Variants in TRAPPC9 observed in about 807,000 individuals in gnomAD.
TRAPPC9 encodes IKK2 binding protein.
A neutral mutation model predicts 124.0 loss-of-function variants in TRAPPC9; 83 were observed. That is an observed-to-expected ratio of 0.67 (90% CI 0.56 to 0.80). TRAPPC9 has a LOEUF of 0.80. Ranked by LOEUF, TRAPPC9 falls within the 30% of genes least tolerant of loss-of-function variation. The probability of loss-of-function intolerance (pLI) is 0.00; values close to 1 mark genes in which losing one functional copy is unlikely to be tolerated. For missense variants in TRAPPC9, 1,302 were observed against 1,508.3 expected, an observed-to-expected ratio of 0.86 and a Z score of 2.27; for synonymous variants, 638 against 617.5, an observed-to-expected ratio of 1.03 and a Z score of -0.49.
chr8:140,045,351 T>C (rs1360215326), intron 17 of TRAPPC9, among the ~76,000 whole-genome samples: 1 of 152,010 alleles, frequency 6.6e-6, no homozygotes, highest in African/African-American at 2.4e-5. Context: ...TCCGGCCAGG[T>C]GCGGTGGCTC....
At chr8:140,109,302 G>A (rs1160051422) in intron 17 of TRAPPC9, among the ~76,000 whole-genome samples, 5 of 152,152 alleles carry the variant, frequency 3.3e-5, no homozygotes, top group Non-Finnish European at 7.3e-5. Flanking sequence ...AGGGCAGTAT[G>A]AACAGGGCCT....
intron 9 of TRAPPC9, among the ~76,000 whole-genome samples, chr8:140,322,844 C>CA (rs1179863813): frequency 1.3e-5 from 2 of 152,106 alleles, no homozygotes; most frequent in African/African-American, 2.4e-5. Flanking sequence ...TCTCAAAAAA[C>CA]AAAAAAGCCA....
At chr8:140,456,923 A>T in intron 1 of TRAPPC9, 14 of 660,056 alleles carry the variant, frequency 2.1e-5, no homozygotes, top group Non-Finnish European at 2.3e-5. Context: ...GAAGGTCTGC[A>T]GGGGTGGAGG....
chr8:139,951,178 C>T (rs1834622722), intron 19 of TRAPPC9, among the ~76,000 whole-genome samples: 1 of 152,230 alleles, frequency 6.6e-6, no homozygotes, highest in Non-Finnish European at 1.5e-5. Context: ...AACAAAGCCT[C>T]TGCCAACGCT....
At chr8:140,276,175 G>A (rs372223906) in intron 14 of TRAPPC9, among the ~76,000 whole-genome samples, 7 of 152,308 alleles carry the variant, frequency 4.6e-5, no homozygotes, top group African/African-American at 9.6e-5. Context: ...CCATGAGGCC[G>A]CTGTTCTCTC....
At chr8:140,152,946 C>A (rs2061570805) in intron 17 of TRAPPC9, among the ~76,000 whole-genome samples, 1 of 152,168 alleles carries the variant, frequency 6.6e-6, no homozygotes, top group African/African-American at 2.4e-5. Context: ...ACATTCCTAT[C>A]TTATTCCTAA....
At chr8:139,846,514 G>A (rs1051324415) in intron 21 of TRAPPC9, among the ~76,000 whole-genome samples, 1 of 152,148 alleles carries the variant, frequency 6.6e-6, no homozygotes, top group Admixed American at 6.5e-5. Flanking sequence ...CATTATCTCA[G>A]GAATAAGAAG....
At position 140,000,887 on chromosome 8, in the gene TRAPPC9, T is replaced by C. The variant is rs145512960; in HGVS notation, c.2700-12051A>G. Among the ~76,000 whole-genome samples, 1,204 of 152,306 alleles carry C rather than the reference T, an allele frequency of 7.9e-3. 17 individuals are homozygous for C. The highest frequency in any genetic ancestry group is 0.027 in the African/African-American group (1,122 of 41,570). ...ACCAGCGATCCCATTACTGGGTATA[T>C]ACCCAAAAGATTATAAATCATGCTA... On this transcript the variant is annotated intron_variant, in intron 18 of 22. Coordinates refer to ENST00000438773, the MANE Select transcript of TRAPPC9 (RefSeq NM_001160372.4).
rs77681743 is a variant in TRAPPC9, at chr8:139,887,610, C to T, written c.2965-1641G>A. 2.3e-4 allele frequency among the ~76,000 whole-genome samples: 35 copies of T among 152,286 alleles called. No homozygotes were observed. The East Asian group carries it at 5.2e-3, about 23-fold the overall frequency. Reference sequence around the variant, plus strand: ...TCCAAGCCTCCCCTCCCACACTCTGCGTGTTCTGCCTGGAAATGTCTTTCC... The same window carrying T: ...TCCAAGCCTCCCCTCCCACACTCTGTGTGTTCTGCCTGGAAATGTCTTTCC... On this transcript the variant is annotated intron_variant, in intron 20 of 22. Transcript: ENST00000438773.
intron 5 of TRAPPC9, among the ~76,000 whole-genome samples, chr8:140,424,302 T>C (rs969565242): frequency 2.6e-5 from 4 of 152,026 alleles, no homozygotes; most frequent in Non-Finnish European, 5.9e-5. Context: ...AAGATCATTT[T>C]ACGTAAAGTA....
chr8:140,398,458 T>C (rs1176669487), intron 6 of TRAPPC9, among the ~76,000 whole-genome samples: 2 of 152,116 alleles, frequency 1.3e-5, no homozygotes, highest in African/African-American at 4.8e-5. Flanking sequence ...AAATGAACAA[T>C]GATATGGACA....
At chr8:140,108,516 G>C (rs979972419) in intron 17 of TRAPPC9, among the ~76,000 whole-genome samples, 1 of 152,174 alleles carries the variant, frequency 6.6e-6, no homozygotes, top group East Asian at 1.9e-4. Flanking sequence ...GCTCCCGCTC[G>C]CCCCCCTTGC....
intron 9 of TRAPPC9, among the ~76,000 whole-genome samples, chr8:140,342,077 C>CG (rs1181206193): frequency 5.9e-5 from 9 of 152,160 alleles, no homozygotes; most frequent in Non-Finnish European, 1.2e-4. Flanking sequence ...TGCCATATTC[C>CG]GGACCAGAAG....
intron 21 of TRAPPC9, among the ~76,000 whole-genome samples, chr8:139,871,268 G>C (rs1276866872): frequency 6.6e-6 from 1 of 152,170 alleles, no homozygotes; most frequent in Admixed American, 6.5e-5. Flanking sequence ...TAGGCATAGG[G>C]CATGCTATGT....
chr8:140,043,029 C>CT (rs1841366728), intron 17 of TRAPPC9, among the ~76,000 whole-genome samples: 2 of 152,194 alleles, frequency 1.3e-5, no homozygotes. Context: ...GAACAAGAGT[C>CT]AGGGCCCACC....
In TRAPPC9 at chr8:140,456,411, C is replaced by CA. The variant is rs11325292; in HGVS notation, c.-11+1227dup. ...CAGGCGACAGTGCGAGACTCCGTCT[C>CA]AAAAAAAAAAAAAAAAGAAAAATCA... On this transcript the variant is annotated intron_variant, in intron 1 of 22. Transcript: ENST00000438773. Among the ~76,000 whole-genome samples the CA allele has an allele frequency of 1.2e-3, 138 of 118,170 alleles. No homozygotes were observed. The East Asian group carries it at 0.014, about 12-fold the overall frequency. The allele number at this position is 118,170 out of a possible 152,430, so 77.5% of individuals were successfully genotyped here. A position where few individuals can be genotyped will look rare whatever the true frequency, so the allele number is the denominator to read the frequency against.
At chr8:140,206,361 C>G (rs1046036567) in intron 17 of TRAPPC9, among the ~76,000 whole-genome samples, 6 of 152,186 alleles carry the variant, frequency 3.9e-5, no homozygotes, top group African/African-American at 1.4e-4. Context: ...TGCTTTCTTG[C>G]TTTTCTTTCT....
chr8:139,969,513 C>G (rs551386903), intron 19 of TRAPPC9, among the ~76,000 whole-genome samples: 2 of 152,332 alleles, frequency 1.3e-5, no homozygotes, highest in South Asian at 4.1e-4. Context: ...AGCAGCGCCA[C>G]CTGGGGCAAG....
intron 8 of TRAPPC9, among the ~76,000 whole-genome samples, chr8:140,362,301 A>G (rs769930196): frequency 2.6e-5 from 4 of 152,216 alleles, no homozygotes; most frequent in Non-Finnish European, 5.9e-5. Context: ...GGACGTGCAT[A>G]CAGCTATGAA....
Sources: allele counts gnomAD v4.1 joint callset (sites outside exome capture counted in the v4.1 genomes callset), GRCh38; gene constraint gnomAD v4.1.1; transcripts MANE v1.5; gene names NCBI Gene and HGNC (gene_info 2026-07-23, HGNC 2026-07-21).